Variants in LRRC37A2 observed in about 807,000 individuals in gnomAD.
LRRC37A2 encodes the protein leucine rich repeat containing 37 member A2.
In LRRC37A2, 9 loss-of-function variants were observed where a neutral mutation model predicts 68.8. That is an observed-to-expected ratio of 0.13 (90% CI 0.08 to 0.23). The LOEUF (loss-of-function observed/expected upper bound fraction) is 0.23, where lower values mean the gene tolerates loss of function less well. Among genes scored for constraint, LRRC37A2 ranks in the 10% least tolerant of loss-of-function variants. The pLI, the probability that LRRC37A2 is intolerant of heterozygous loss-of-function variation, is 1.00. For missense variants in LRRC37A2, 168 were observed against 950.4 expected (o/e 0.18, Z 10.82); for synonymous variants, 63 against 367.6 (o/e 0.17, Z 9.48).
At chr17:46,938,888 G>T in the LRRC37A2 span, 1 of 1,548,408 alleles carries the variant, frequency 6.5e-7, no homozygotes, top group African/African-American at 1.4e-5. Context: ...AGACACTTGG[G>T]AGTGATTGTG....
chr17:47,040,485 G>C, the LRRC37A2 span, among the ~76,000 whole-genome samples: 55 of 150,774 alleles, frequency 3.6e-4, no homozygotes, highest in African/African-American at 1.2e-3. Flanking sequence ...TGGTGTTACT[G>C]CTGCTTGTGT....
chr17:46,870,631 AGGGCACCTG>A, the LRRC37A2 span, among the ~76,000 whole-genome samples: 1 of 152,090 alleles, frequency 6.6e-6, no homozygotes, highest in Non-Finnish European at 1.5e-5. Flanking sequence ...GTGATTTCTG[AGGGCACCTG>A]GGGCCTGGCC....
At chr17:46,773,894 G>T in the LRRC37A2 span, 1 of 1,611,816 alleles carries the variant, frequency 6.2e-7, no homozygotes, top group African/African-American at 1.3e-5. Context: ...TGTACTGCTG[G>T]CCCAGGGCCA....
chr17:47,045,115 A>C, the LRRC37A2 span, among the ~76,000 whole-genome samples: 1 of 128,244 alleles, frequency 7.8e-6, no homozygotes, highest in South Asian at 3.2e-4. Context: ...AGAGGCTTCC[A>C]CTGGACCCAA....
chr17:47,027,716 A>G, the LRRC37A2 span: 1 of 688,808 alleles, frequency 1.5e-6, no homozygotes. Flanking sequence ...TATAATTAAA[A>G]TTTTACCAGT....
the LRRC37A2 span, among the ~76,000 whole-genome samples, chr17:46,786,458 G>A: frequency 6.6e-6 from 1 of 152,224 alleles, no homozygotes; most frequent in South Asian, 2.1e-4. Flanking sequence ...CCAGAGACGG[G>A]TAAAAGGCAG....
chr17:46,625,914 G>T, the LRRC37A2 span, among the ~76,000 whole-genome samples: 1 of 135,100 alleles, frequency 7.4e-6, no homozygotes, highest in Admixed American at 7.4e-5. Context: ...AGATACTGCT[G>T]CTGCATAACA....
the LRRC37A2 span, among the ~76,000 whole-genome samples, chr17:46,847,967 A>AGAGT: frequency 3.3e-5 from 5 of 149,584 alleles, no homozygotes; most frequent in Non-Finnish European, 5.9e-5. Flanking sequence ...TGATTTCCAA[A>AGAGT]GTGTGTGTGT....
the LRRC37A2 span, chr17:46,755,825 A>G: frequency 6.2e-7 from 1 of 1,612,196 alleles, no homozygotes; most frequent in Non-Finnish European, 8.5e-7. Context: ...TTTGATTGAA[A>G]ATGAACTATT....
At chr17:46,755,172 C>A in the LRRC37A2 span, 1 of 646,742 alleles carries the variant, frequency 1.5e-6, no homozygotes. Context: ...TGTGAGAATG[C>A]TGGTCAAGGA....
At chr17:46,904,734 A>T in the LRRC37A2 span, among the ~76,000 whole-genome samples, 1 of 152,196 alleles carries the variant, frequency 6.6e-6, no homozygotes, top group African/African-American at 2.4e-5. Context: ...GAAGAGGCAT[A>T]AAGTTTCAAA....
At chr17:46,849,455 TG>T in the LRRC37A2 span, among the ~76,000 whole-genome samples, 1 of 152,162 alleles carries the variant, frequency 6.6e-6, no homozygotes, top group South Asian at 2.1e-4. Context: ...CTAGGGGGTG[TG>T]GCTGGGGCCT....
the LRRC37A2 span, among the ~76,000 whole-genome samples, chr17:46,835,112 A>C: frequency 6.6e-6 from 1 of 152,120 alleles, no homozygotes; most frequent in East Asian, 1.9e-4. Context: ...CTCCCACCTC[A>C]GCCTCCTGAG....
the LRRC37A2 span, chr17:46,694,407 A>G: frequency 9.0e-7 from 1 of 1,113,466 alleles, no homozygotes; most frequent in Non-Finnish European, 1.3e-6. Context: ...TAATAATAAT[A>G]ATGATAATCT....
the LRRC37A2 span, among the ~76,000 whole-genome samples, chr17:46,741,239 A>T: frequency 6.6e-6 from 1 of 152,306 alleles, no homozygotes; most frequent in South Asian, 2.1e-4. Context: ...GTTTGGGGGA[A>T]TGAGGTAATC....
At chr17:46,386,189 G>T in the LRRC37A2 span, among the ~76,000 whole-genome samples, 2 of 115,372 alleles carry the variant, frequency 1.7e-5, no homozygotes, top group African/African-American at 5.7e-5. Context: ...ACCTCGACCT[G>T]TTGGGCTCAA....
the LRRC37A2 span, among the ~76,000 whole-genome samples, chr17:46,836,132 G>C: frequency 6.7e-6 from 1 of 149,786 alleles, no homozygotes; most frequent in Non-Finnish European, 1.5e-5. Context: ...GTGTGTGTGT[G>C]TGTCTCGGTT....
the LRRC37A2 span, among the ~76,000 whole-genome samples, chr17:46,942,476 G>T: frequency 6.6e-6 from 1 of 152,194 alleles, no homozygotes; most frequent in Admixed American, 6.5e-5. Context: ...TGGAACCATG[G>T]GCCCACTTAA....
chr17:46,900,883 G>T, the LRRC37A2 span, among the ~76,000 whole-genome samples: 1 of 152,180 alleles, frequency 6.6e-6, no homozygotes, highest in African/African-American at 2.4e-5. Flanking sequence ...AACAAAGTGG[G>T]GATCAAGACA....
Sources: gnomAD v4.1 joint callset for allele counts (sites outside exome capture counted in the v4.1 genomes callset) on GRCh38, gnomAD v4.1.1 for gene constraint, MANE v1.5 for transcripts, NCBI Gene and HGNC (gene_info 2026-07-23, HGNC 2026-07-21) for gene names.